GABBR2: variants seen among roughly 807,000 people sequenced by gnomAD.
GABBR2 encodes the protein gamma-aminobutyric acid type B receptor subunit 2.
GABBR2 carries 23 observed loss-of-function variants against 105.6 expected under a neutral mutation model. The ratio of observed to expected loss-of-function variants is 0.22; its 90% CI spans 0.16 to 0.31. GABBR2 has a LOEUF of 0.31. Ranked by LOEUF, GABBR2 falls within the 10% of genes least tolerant of loss-of-function variation. GABBR2 has a pLI of 1.00. For missense variants in GABBR2, 734 were observed against 1,245.5 expected, an observed-to-expected ratio of 0.59 and a Z score of 6.18; for synonymous variants, 478 against 499.7, an observed-to-expected ratio of 0.96 and a Z score of 0.58.
At chr9:98,701,608 G>T (rs1588289062) in intron 1 of GABBR2, among the ~76,000 whole-genome samples, 1 of 152,142 alleles carries the variant, frequency 6.6e-6, no homozygotes. Context: ...CATGCAGGCT[G>T]CTCATTAAGC....
chr9:98,471,249 T>C (rs1282171275), intron 6 of GABBR2, among the ~76,000 whole-genome samples: 1 of 152,190 alleles, frequency 6.6e-6, no homozygotes, highest in Non-Finnish European at 1.5e-5. Context: ...GGATTGGGTC[T>C]CCTGGACTTT....
intron 11 of GABBR2, among the ~76,000 whole-genome samples, chr9:98,376,691 C>T (rs182537870): frequency 2.0e-5 from 3 of 152,274 alleles, no homozygotes; most frequent in East Asian, 1.9e-4. Flanking sequence ...CTAGAAACAG[C>T]CCCAGAAGAC....
chr9:98,406,157 A>G lies in GABBR2; in HGVS notation c.1237-16T>C. On this transcript the variant is annotated splice_polypyrimidine_tract_variant and intron_variant, in intron 7 of 18. Coordinates refer to ENST00000259455, the MANE Select transcript of GABBR2 (RefSeq NM_005458.8). ...CAACTTGACCCTAAAAACAAAACAA[A>G]ACAAATCAAACAAGAATAAAAGAGA... 1 of 1,504,468 alleles carries G rather than the reference A, an allele frequency of 6.6e-7. No individual in the cohort carries two copies. The allele number at this position is 1,504,468 out of a possible 1,614,324, so 93.2% of individuals were successfully genotyped here. A position where few individuals can be genotyped will look rare whatever the true frequency, so the allele number is the denominator to read the frequency against.
chr9:98,411,679 AGCCTCC>A (rs1832593972), intron 7 of GABBR2, among the ~76,000 whole-genome samples: 1 of 152,036 alleles, frequency 6.6e-6, no homozygotes, highest in Non-Finnish European at 1.5e-5. Context: ...CTTCCACCTC[AGCCTCC>A]CAAGTAGCTG....
At chr9:98,346,923 T>C (rs978391549) in intron 13 of GABBR2, among the ~76,000 whole-genome samples, 17 of 152,230 alleles carry the variant, frequency 1.1e-4, no homozygotes, top group African/African-American at 4.1e-4. Context: ...TTCTTTTTTA[T>C]GGTTAAATAG....
intron 13 of GABBR2, among the ~76,000 whole-genome samples, chr9:98,325,229 A>T (rs943863879): frequency 2.0e-5 from 3 of 148,244 alleles, no homozygotes; most frequent in African/African-American, 7.5e-5. Context: ...GACTTTTTCC[A>T]CTGTCCCAGG....
At chr9:98,659,547 A>C (rs1830230025) in intron 1 of GABBR2, among the ~76,000 whole-genome samples, 1 of 83,414 alleles carries the variant, frequency 1.2e-5, no homozygotes, top group South Asian at 3.6e-4. Flanking sequence ...TTTTTGACTG[A>C]GTCTTGCTCT....
chr9:98,348,130 G>T (rs923652602), intron 13 of GABBR2, among the ~76,000 whole-genome samples: 2 of 152,128 alleles, frequency 1.3e-5, no homozygotes, highest in Non-Finnish European at 2.9e-5. Flanking sequence ...TAATACAGGG[G>T]TCTAGTTTCA....
intron 1 of GABBR2, among the ~76,000 whole-genome samples, chr9:98,627,369 A>G (rs1331448745): frequency 6.6e-6 from 1 of 152,192 alleles, no homozygotes; most frequent in Non-Finnish European, 1.5e-5. Flanking sequence ...TGGACCCAGG[A>G]AACAGGCTAC....
chr9:98,672,532 C>T (rs1221421314), intron 1 of GABBR2, among the ~76,000 whole-genome samples: 2 of 152,244 alleles, frequency 1.3e-5, no homozygotes, highest in African/African-American at 2.4e-5. Flanking sequence ...TCGTCTGAGT[C>T]GGTGCCTGTC....
intron 3 of GABBR2, among the ~76,000 whole-genome samples, chr9:98,541,448 A>G (rs538645185): frequency 6.6e-6 from 1 of 152,274 alleles, no homozygotes; most frequent in African/African-American, 2.4e-5. Flanking sequence ...CTTAGAACAA[A>G]CAAAACTCTG....
Position 98,303,264 on chromosome 9 carries a change from G to A in GABBR2, c.2389C>T (p.Arg797Cys). ...ACCTCTGTGATCTTCATTCGCAGGC[G>A]ATGGTTTTCTGACTGTAGGCCCTCC... ...RLEGLQSENH[R>C]LRMKITELDK... The change falls in exon 16 of 19, where the codon CGC (arginine) becomes TGC (cysteine). Residue 797 changes from arginine (R) to cysteine (C), a missense_variant. Physicochemically the swap from Arg to Cys is radical, Grantham distance 180. Around this residue, in one of 7 missense-constraint regions of GABBR2, gnomAD observed 91 missense variants for 185.9 expected, o/e 0.49. Coordinates refer to ENST00000259455, the MANE Select transcript of GABBR2 (RefSeq NM_005458.8). 1.9e-6 allele frequency: 3 copies of A among 1,614,146 alleles called. No homozygotes were observed. The highest frequency in any genetic ancestry group is 2.5e-6 in the Non-Finnish European group (3 of 1,180,008).
At chr9:98,507,785 A>T (rs1827543224) in intron 3 of GABBR2, among the ~76,000 whole-genome samples, 1 of 152,164 alleles carries the variant, frequency 6.6e-6, no homozygotes, top group Non-Finnish European at 1.5e-5. Flanking sequence ...ATGTCCTGAT[A>T]TCTCACACAC....
In GABBR2 at chr9:98,406,084, G is replaced by A; in HGVS notation, c.1294C>T (p.Gln432Ter). Residue 432 changes from glutamine (Q) to a stop codon, truncating the protein, a stop_gained, in exon 8 of 19, where the codon CAA becomes TAA. Transcript: ENST00000259455. LOFTEE classifies it high-confidence loss of function. ...RMGTIKFTQF[Q>*]DSREVKVGEY... ...GAATAAGCATCAAAATGCCTACCTT[G>A]AAATTGAGTAAATTTAATGGTCCCC... 6.5e-7 allele frequency: 1 copy of A among 1,547,014 alleles called. No homozygotes were observed. The highest frequency in any genetic ancestry group is 8.9e-7 in the Non-Finnish European group (1 of 1,124,950).
At chr9:98,328,043 T>TTTTTTTTTTTTTTTTTTTTTTGAG (rs1433638259) in intron 13 of GABBR2, among the ~76,000 whole-genome samples, 2 of 150,308 alleles carry the variant, frequency 1.3e-5, no homozygotes, top group African/African-American at 4.9e-5. Context: ...ATCAATATTC[T>TTTTTTTTTTTTTTTTTTTTTTGAG]AAACCATATA....
intron 2 of GABBR2, among the ~76,000 whole-genome samples, chr9:98,562,100 G>T (rs1488918258): frequency 2.0e-5 from 3 of 152,036 alleles, no homozygotes; most frequent in African/African-American, 7.3e-5. Flanking sequence ...CCTTAACCAA[G>T]TGATCAAATT....
intron 13 of GABBR2, among the ~76,000 whole-genome samples, chr9:98,360,194 C>G (rs1403361150): frequency 6.6e-6 from 1 of 152,160 alleles, no homozygotes; most frequent in Admixed American, 6.5e-5. Flanking sequence ...CTGGACAAAA[C>G]AGCCCCTTGA....
At chr9:98,582,288 T>C (rs1387662681) in intron 1 of GABBR2, among the ~76,000 whole-genome samples, 2 of 152,232 alleles carry the variant, frequency 1.3e-5, no homozygotes, top group African/African-American at 4.8e-5. Flanking sequence ...GGATTTGATA[T>C]GCCATTGTTG....
At chr9:98,594,509 T>C (rs1758805) in intron 1 of GABBR2, among the ~76,000 whole-genome samples, 70,394 of 151,926 alleles carry the variant, frequency 0.46, 16,918 homozygotes, top group East Asian at 0.68. Flanking sequence ...GGAGGGGCTC[T>C]GGGAGAGGAA....
Sources: gnomAD v4.1 joint callset for allele counts (sites outside exome capture counted in the v4.1 genomes callset) on GRCh38, gnomAD v4.1.1 for gene constraint, gnomAD v4.1.1 regional missense constraint, MANE v1.5 for transcripts, NCBI Gene and HGNC (gene_info 2026-07-23, HGNC 2026-07-21) for gene names.